The following ATXN7L1 variants were observed in gnomAD, a reference collection of about 807,000 sequenced individuals.
The protein encoded by ATXN7L1 is ataxin 7 like 1.
A neutral mutation model predicts 70.8 loss-of-function variants in ATXN7L1; 15 were observed. The observed-to-expected ratio is 0.21, with a 90% CI of 0.14 to 0.33. ATXN7L1 has a LOEUF of 0.33. Among genes scored for constraint, ATXN7L1 ranks in the 10% least tolerant of loss-of-function variants. The pLI is 1.00. For synonymous variants in ATXN7L1, 440 were observed against 445.1 expected (o/e 0.99, Z 0.14); for missense variants, 975 against 1,097.1 (o/e 0.89, Z 1.57).
intron 2 of ATXN7L1, among the ~76,000 whole-genome samples, chr7:105,831,432 G>C (rs983347958): frequency 1.3e-5 from 2 of 152,098 alleles, no homozygotes; most frequent in South Asian, 4.1e-4. Flanking sequence ...GGCTGAGCTG[G>C]GCAACAGGTG....
intron 3 of ATXN7L1, among the ~76,000 whole-genome samples, chr7:105,666,515 C>A (rs2116075783): frequency 6.6e-6 from 1 of 152,320 alleles, no homozygotes; most frequent in Non-Finnish European, 1.5e-5. Context: ...TGCAAGCCTC[C>A]CACCTGTGGC....
chr7:105,866,841 C>T (rs1411557241), intron 2 of ATXN7L1, among the ~76,000 whole-genome samples: 1 of 152,218 alleles, frequency 6.6e-6, no homozygotes, highest in East Asian at 1.9e-4. Context: ...TGACCACTGT[C>T]TCCAGATGTG....
At chr7:105,864,456 CAAAAAAAAAAA>C (rs34739253) in intron 2 of ATXN7L1, among the ~76,000 whole-genome samples, 3 of 41,062 alleles carry the variant, frequency 7.3e-5, no homozygotes, top group Non-Finnish European at 1.2e-4. Context: ...GGCCCTGTCT[CAAAAAAAAAAA>C]AAAAAAAAAA....
intron 3 of ATXN7L1, among the ~76,000 whole-genome samples, chr7:105,730,723 C>G (rs1334900902): frequency 2.6e-5 from 4 of 150,944 alleles, no homozygotes; most frequent in African/African-American, 9.8e-5. Context: ...CAGAGTGAGA[C>G]TCCATCTCGA....
At chr7:105,643,209 A>G in intron 4 of ATXN7L1, 88 bp from the exon 5 acceptor site, 1 of 1,358,392 alleles carries the variant, frequency 7.4e-7, no homozygotes, top group Admixed American at 2.9e-5. Context: ...CATTATCAGA[A>G]CATTTCCTTA....
intron 3 of ATXN7L1, among the ~76,000 whole-genome samples, chr7:105,782,283 G>T (rs1182628917): frequency 6.6e-6 from 1 of 152,182 alleles, no homozygotes; most frequent in African/African-American, 2.4e-5. Context: ...CCAAGGTAAG[G>T]CTTCTTGTTT....
intron 10 of ATXN7L1, 57 bp from the exon 11 acceptor site, chr7:105,610,660 G>A (rs976887683): frequency 1.7e-5 from 24 of 1,426,172 alleles, no homozygotes; most frequent in Non-Finnish European, 2.1e-5. Flanking sequence ...GGAAGGGCCC[G>A]CCGATGCCAC....
rs191698089 is a variant in ATXN7L1, at chr7:105,753,962, C to G, written c.355+34642G>C. Reference sequence around the variant, plus strand: ...GATCCAAAGTTCTGAGATCTAGTTACAGCTCTGCCCCCCCAAAAGCCATTT... The same window carrying G: ...GATCCAAAGTTCTGAGATCTAGTTAGAGCTCTGCCCCCCCAAAAGCCATTT... On this transcript the variant is annotated intron_variant, in intron 3 of 11. Coordinates refer to ENST00000419735, the MANE Select transcript of ATXN7L1 (RefSeq NM_020725.2). 3.3e-5 allele frequency among the ~76,000 whole-genome samples: 5 copies of G among 149,472 alleles called. No homozygotes were observed. In the East Asian group the frequency reaches 1.1e-3, roughly 33 times the overall value.
At chr7:105,871,092 T>G (rs986016832) in intron 2 of ATXN7L1, among the ~76,000 whole-genome samples, 5 of 151,574 alleles carry the variant, frequency 3.3e-5, no homozygotes, top group African/African-American at 1.2e-4. Flanking sequence ...GGGTTTTTTT[T>G]TTTTTTTTTT....
intron 3 of ATXN7L1, among the ~76,000 whole-genome samples, chr7:105,715,498 G>C (rs10240100): frequency 1.3e-3 from 191 of 152,350 alleles, no homozygotes; most frequent in African/African-American, 4.4e-3. Context: ...TGGCTGCCAA[G>C]CCAAGGGAAT....
At chr7:105,643,760 GT>G (rs1200251769) in intron 4 of ATXN7L1, among the ~76,000 whole-genome samples, 1 of 152,260 alleles carries the variant, frequency 6.6e-6, no homozygotes, top group African/African-American at 2.4e-5. Context: ...AGCTAGTTAT[GT>G]AAATAGGCAA....
At chr7:105,875,955 GGAGA>G (rs1180434893) in intron 1 of ATXN7L1, 75 bp from the exon 2 acceptor site, 6 of 1,285,660 alleles carry the variant, frequency 4.7e-6, no homozygotes, top group Admixed American at 1.8e-5. Flanking sequence ...AAGGGGGGAG[GGAGA>G]GTGTTTATTT....
chr7:105,791,746 C>A (rs1805278482), intron 2 of ATXN7L1, among the ~76,000 whole-genome samples: 1 of 152,066 alleles, frequency 6.6e-6, no homozygotes. Context: ...CAGGTAAAAC[C>A]AGGAGCTGAT....
At chr7:105,768,232 T>G (rs1438558229) in intron 3 of ATXN7L1, among the ~76,000 whole-genome samples, 1 of 152,210 alleles carries the variant, frequency 6.6e-6, no homozygotes, top group East Asian at 1.9e-4. Flanking sequence ...GCCAAGGCAT[T>G]TTCAAATTTA....
In ATXN7L1 at chr7:105,814,414, T is replaced by C. The variant is rs77110282; in HGVS notation, c.251-25706A>G. Among the ~76,000 whole-genome samples, 1,418 of 151,978 alleles carry C rather than the reference T, an allele frequency of 9.3e-3. 12 individuals carry two copies. The highest frequency in any genetic ancestry group is 0.013 in the Non-Finnish European group (897 of 67,970). On this transcript the variant is annotated intron_variant, in intron 2 of 11. Coordinates refer to ENST00000419735, the MANE Select transcript of ATXN7L1 (RefSeq NM_020725.2). ...GGATGGGGAGAAGGGAGAGAAACTA[T>C]CAATTCAGTGTTTTCCAGCAGGGTT...
chr7:105,665,026 G>C (rs893977311), intron 4 of ATXN7L1, 40 bp downstream of exon 4: 3 of 1,503,084 alleles, frequency 2.0e-6, no homozygotes, highest in Non-Finnish European at 2.7e-6. Flanking sequence ...GGAACAGCAG[G>C]GGGGACAGAC....
At chr7:105,681,077 G>C (rs1297026498) in intron 3 of ATXN7L1, among the ~76,000 whole-genome samples, 1 of 152,204 alleles carries the variant, frequency 6.6e-6, no homozygotes, top group Non-Finnish European at 1.5e-5. Flanking sequence ...CTGAAGAGCA[G>C]CAAGTTTAGA....
intron 2 of ATXN7L1, chr7:105,819,462 A>C (rs1328426825): frequency 4.5e-6 from 3 of 668,560 alleles, no homozygotes; most frequent in Non-Finnish European, 8.0e-6. Flanking sequence ...AAAAAAAAAA[A>C]GAGTGTCCTT....
At chr7:105,692,371 T>TTCCC (rs1791012082) in intron 3 of ATXN7L1, among the ~76,000 whole-genome samples, 1 of 34,344 alleles carries the variant, frequency 2.9e-5, no homozygotes, top group Non-Finnish European at 6.5e-5. Context: ...ATTTCTTTCT[T>TTCCC]TCCTTCCTTC....
Sources: gnomAD v4.1 joint callset for allele counts (sites outside exome capture counted in the v4.1 genomes callset) on GRCh38, gnomAD v4.1.1 for gene constraint, MANE v1.5 for transcripts, NCBI Gene and HGNC (gene_info 2026-07-23, HGNC 2026-07-21) for gene names.